QTMAN: variants seen among roughly 807,000 people sequenced by gnomAD.
QTMAN encodes the protein queuosine-tRNA mannosyltransferase.
chr2:144,326,876 T>C, the QTMAN span, among the ~76,000 whole-genome samples: 283 of 152,222 alleles, frequency 1.9e-3, no homozygotes, highest in Non-Finnish European at 3.2e-3. Flanking sequence ...GTGTAATAGA[T>C]ACCTGTGATG....
chr2:144,185,052 G>T, the QTMAN span, among the ~76,000 whole-genome samples: 2 of 151,898 alleles, frequency 1.3e-5, no homozygotes, highest in Non-Finnish European at 2.9e-5. Flanking sequence ...CAAATGATAC[G>T]GTATGTGAGA....
chr2:144,203,148 A>C, the QTMAN span, among the ~76,000 whole-genome samples: 1 of 103,854 alleles, frequency 9.6e-6, no homozygotes, highest in Non-Finnish European at 1.9e-5. Flanking sequence ...TTTACAATGA[A>C]GAGTGTGTGT....
chr2:144,250,555 C>G, the QTMAN span, among the ~76,000 whole-genome samples: 1 of 151,926 alleles, frequency 6.6e-6, no homozygotes. Flanking sequence ...TTCCTAAAAA[C>G]TTTTATGTAA....
chr2:143,981,611 AC>A, the QTMAN span, among the ~76,000 whole-genome samples: 2 of 152,218 alleles, frequency 1.3e-5, no homozygotes, highest in Non-Finnish European at 2.9e-5. Flanking sequence ...AAAAATGCTG[AC>A]ATTCTGTTTA....
At chr2:144,221,708 C>T in the QTMAN span, among the ~76,000 whole-genome samples, 2 of 152,176 alleles carry the variant, frequency 1.3e-5, no homozygotes, top group Non-Finnish European at 1.5e-5. Flanking sequence ...TTACTGAAGG[C>T]GTCCTCCCTT....
chr2:144,075,835 G>A, the QTMAN span, among the ~76,000 whole-genome samples: 1 of 152,354 alleles, frequency 6.6e-6, no homozygotes, highest in South Asian at 2.1e-4. Flanking sequence ...GCAGTGATTT[G>A]AGACAGAACC....
At chr2:144,194,890 T>C in the QTMAN span, among the ~76,000 whole-genome samples, 1 of 152,006 alleles carries the variant, frequency 6.6e-6, no homozygotes, top group African/African-American at 2.4e-5. Flanking sequence ...AGTGAAGGGA[T>C]TTCCCCACCA....
chr2:144,183,414 C>T, the QTMAN span, among the ~76,000 whole-genome samples: 1 of 152,114 alleles, frequency 6.6e-6, no homozygotes, highest in South Asian at 2.1e-4. Context: ...TATTCATTGG[C>T]CCACTACTAT....
At chr2:144,261,741 T>C in the QTMAN span, among the ~76,000 whole-genome samples, 7 of 152,258 alleles carry the variant, frequency 4.6e-5, no homozygotes, top group African/African-American at 1.7e-4. Context: ...ACAGATTTCA[T>C]AAATATGAAT....
the QTMAN span, among the ~76,000 whole-genome samples, chr2:143,961,915 G>A: frequency 6.6e-6 from 1 of 152,118 alleles, no homozygotes; most frequent in Non-Finnish European, 1.5e-5. Flanking sequence ...GCATTTGGGA[G>A]GGAAGGGTAT....
the QTMAN span, among the ~76,000 whole-genome samples, chr2:144,101,837 T>A: frequency 6.6e-6 from 1 of 152,190 alleles, no homozygotes; most frequent in Admixed American, 6.5e-5. Context: ...ATGTCATGCT[T>A]ATCACTCATT....
chr2:143,947,037 A>C, the QTMAN span: 1 of 1,580,322 alleles, frequency 6.3e-7, no homozygotes, highest in Non-Finnish European at 8.7e-7. Flanking sequence ...CAAGTTTGTG[A>C]CTTAGCCCCA....
chr2:144,038,250 T>C, the QTMAN span, among the ~76,000 whole-genome samples: 1 of 152,194 alleles, frequency 6.6e-6, no homozygotes, highest in Non-Finnish European at 1.5e-5. Flanking sequence ...AGTGTCTTCA[T>C]TAAGTTGTAC....
At chr2:144,090,479 A>C in the QTMAN span, among the ~76,000 whole-genome samples, 1 of 151,558 alleles carries the variant, frequency 6.6e-6, no homozygotes, top group Non-Finnish European at 1.5e-5. Context: ...TAAAATCTAC[A>C]AAAAAAAGTT....
chr2:144,198,054 C>G, the QTMAN span, among the ~76,000 whole-genome samples: 2 of 152,126 alleles, frequency 1.3e-5, no homozygotes, highest in Non-Finnish European at 2.9e-5. Context: ...CAGCAAGACA[C>G]TGTCTCTGCA....
At chr2:144,230,410 G>C in the QTMAN span, 1 of 152,114 alleles carries the variant, frequency 6.6e-6, no homozygotes, top group African/African-American at 2.4e-5. Context: ...AAAATTTACT[G>C]ATAAACTTAA....
chr2:144,282,393 T>C, the QTMAN span, among the ~76,000 whole-genome samples: 1 of 148,612 alleles, frequency 6.7e-6, no homozygotes, highest in African/African-American at 2.4e-5. Flanking sequence ...ATTTATATAT[T>C]ATATATATGT....
At chr2:144,179,996 C>T in the QTMAN span, among the ~76,000 whole-genome samples, 2 of 152,170 alleles carry the variant, frequency 1.3e-5, no homozygotes, top group Non-Finnish European at 2.9e-5. Flanking sequence ...ATTTCTTTTA[C>T]TGTTCTCATT....
chr2:143,967,067 T>C, the QTMAN span, among the ~76,000 whole-genome samples: 11 of 152,350 alleles, frequency 7.2e-5, no homozygotes, highest in East Asian at 3.9e-4. Flanking sequence ...GACTCACTTA[T>C]AGGCAATGTA....
Sources: allele counts gnomAD v4.1 joint callset (sites outside exome capture counted in the v4.1 genomes callset), GRCh38; gene constraint gnomAD v4.1.1; transcripts MANE v1.5; gene names NCBI Gene and HGNC (gene_info 2026-07-23, HGNC 2026-07-21).